Variants in USF2 observed in about 807,000 individuals in gnomAD.
USF2 encodes the protein upstream stimulatory factor 2.
A neutral mutation model predicts 46.9 loss-of-function variants in USF2; 16 were observed. The ratio of observed to expected loss-of-function variants is 0.34; its 90% CI spans 0.23 to 0.52. The LOEUF (loss-of-function observed/expected upper bound fraction) is 0.52, where lower values mean the gene tolerates loss of function less well. Among genes scored for constraint, USF2 ranks in the 20% least tolerant of loss-of-function variants. The pLI is 0.96. For missense variants in USF2, 411 were observed against 474.0 expected (o/e 0.87, Z 1.23); for synonymous variants, 239 against 194.1 (o/e 1.23, Z -1.92).
chr19:35,271,905 G>A (rs975315387), intron 7 of USF2, among the ~76,000 whole-genome samples: 6 of 152,192 alleles, frequency 3.9e-5, no homozygotes, highest in African/African-American at 1.4e-4. Flanking sequence ...TTGATGGGGG[G>A]TGGGCTGGGG....
Position 35,278,633 on chromosome 19 carries a change from T to C in USF2, c.728-65T>C, listed in dbSNP as rs2066266926. On this transcript the variant is annotated intron_variant, in intron 7 of 9. Transcript: ENST00000222305. ...GTGTCCTTGGGCTGAGCCTCTGCCCTGTGAGGACGGCCGCTCAGGCATGAT... is the reference window on the plus strand; with the variant it reads ...GTGTCCTTGGGCTGAGCCTCTGCCCCGTGAGGACGGCCGCTCAGGCATGAT... The C allele has an allele frequency of 5.8e-6, 9 of 1,547,896 alleles. No homozygotes were observed. In the East Asian group the frequency reaches 2.0e-4, roughly 35 times the overall value.
intron 7 of USF2, among the ~76,000 whole-genome samples, chr19:35,271,993 T>C (rs573187261): frequency 6.6e-6 from 1 of 152,128 alleles, no homozygotes; most frequent in South Asian, 2.1e-4. Flanking sequence ...AGAAGTTCCA[T>C]TTAGAATGCC....
rs1301661690 is a variant in USF2, at chr19:35,270,752, G to A, written c.615G>A (p.Val205=). ...QFYVMMTPQD[V]LQTGTQRTIA... ...ACGTCATGATGACGCCCCAGGATGTGCTTCAGACAGGAACACAGAGGACGA... is the reference window on the plus strand; with the variant it reads ...ACGTCATGATGACGCCCCAGGATGTACTTCAGACAGGAACACAGAGGACGA... The change falls in exon 6 of 10, where the codon GTG becomes GTA. Residue 205 remains valine, a synonymous_variant. Coordinates refer to ENST00000222305, the MANE Select transcript of USF2 (RefSeq NM_003367.4). 1 of 1,613,984 alleles carries A rather than the reference G, an allele frequency of 6.2e-7. No individual in the cohort carries two copies. The highest frequency in any genetic ancestry group is 8.5e-7 in the Non-Finnish European group (1 of 1,180,022).
chr19:35,276,620 C>A (rs1301604236), intron 7 of USF2, among the ~76,000 whole-genome samples: 6 of 152,162 alleles, frequency 3.9e-5, no homozygotes, highest in Admixed American at 3.9e-4. Flanking sequence ...TTTTCCCACC[C>A]CTGCATACCC....
chr19:35,279,267 C>A lies in USF2; in HGVS notation c.*11C>A, dbSNP rs774201706. ...GGCACCCGGCAGTGACGCCCGCCAC[C>A]ACCACGCAGCCGCCGCCGCCCACGC... On this transcript the variant is annotated 3_prime_UTR_variant, in exon 10 of 10. Transcript: ENST00000222305. 1 of 1,507,474 alleles carries A rather than the reference C, an allele frequency of 6.6e-7. No individual in the cohort carries two copies. The highest frequency in any genetic ancestry group is 8.9e-7 in the Non-Finnish European group (1 of 1,126,946). 93.4% of individuals were successfully genotyped at this position (1,507,474 alleles called of 1,614,324 possible). A position where few individuals can be genotyped will look rare whatever the true frequency, so the allele number is the denominator to read the frequency against.
In USF2 at chr19:35,270,496, C is replaced by A. The variant is rs755179671; in HGVS notation, c.479C>A (p.Ala160Asp). 1.9e-6 allele frequency: 3 copies of A among 1,614,128 alleles called. No homozygotes were observed. The highest frequency in any genetic ancestry group is 2.5e-6 in the Non-Finnish European group (3 of 1,180,012). ...AATGGTGGCAGTCCGGCGGCCGAGG[C>A]TGTCAGCGGGGAGGCACGATTTGCC... is the stretch of plus-strand genomic sequence containing the variant. ...FSNGGSPAAEAVSGEARFAYF... is the reference protein window; with the variant it reads ...FSNGGSPAAEDVSGEARFAYF... Residue 160 changes from alanine (A) to aspartate (D), a missense_variant, in exon 5 of 10, where the codon GCT becomes GAT. Physicochemically the swap from Ala to Asp is moderately radical, Grantham distance 126 (BLOSUM62 -2). Transcript: ENST00000222305.
At chr19:35,273,557 G>A (rs149707567) in intron 7 of USF2, among the ~76,000 whole-genome samples, 120 of 152,242 alleles carry the variant, frequency 7.9e-4, no homozygotes, top group Non-Finnish European at 1.3e-3. Context: ...CTTTGGCTGC[G>A]AGTGTTTCTT....
At chr19:35,271,787 G>A (rs2066160487) in intron 7 of USF2, among the ~76,000 whole-genome samples, 1 of 152,246 alleles carries the variant, frequency 6.6e-6, no homozygotes. Context: ...ACTGCCCGTG[G>A]GTTCTGGGCT....
chr19:35,276,774 C>T (rs2066239965), intron 7 of USF2, among the ~76,000 whole-genome samples: 1 of 152,198 alleles, frequency 6.6e-6, no homozygotes, highest in Non-Finnish European at 1.5e-5. Flanking sequence ...TGGCTCGGCG[C>T]CTGGCGTTCC....
chr19:35,279,329 G>A lies in USF2; in HGVS notation c.*73G>A, dbSNP rs2066279571. On this transcript the variant is annotated 3_prime_UTR_variant, in exon 10 of 10. Transcript: ENST00000222305. ...GCCCCCTTCCCCAGCCCTTAGCACA[G>A]AGAGGGACACATGCCCCTCCCCCAG... The A allele has an allele frequency of 1.4e-5, 20 of 1,386,184 alleles. No individual in the cohort carries two copies. In the South Asian group the frequency reaches 2.8e-4, roughly 20 times the overall value. 85.9% of individuals were successfully genotyped at this position (1,386,184 alleles called of 1,614,324 possible).
At chr19:35,276,588 T>C (rs2066236699) in intron 7 of USF2, among the ~76,000 whole-genome samples, 1 of 152,170 alleles carries the variant, frequency 6.6e-6, no homozygotes, top group South Asian at 2.1e-4. Context: ...ACACAAGGCC[T>C]TGACAACCGA....
At chr19:35,269,307 C>T in intron 1 of USF2, 139 bp from the exon 2 acceptor site, 1 of 885,976 alleles carries the variant, frequency 1.1e-6, no homozygotes, top group East Asian at 1.2e-4. Flanking sequence ...CCTGGCGCCT[C>T]CCGCCCCCGG....
At chr19:35,269,336 C>T in intron 1 of USF2, 110 bp from the exon 2 acceptor site, 1 of 961,748 alleles carries the variant, frequency 1.0e-6, no homozygotes, top group Non-Finnish European at 1.2e-6. Flanking sequence ...CTCGGCGGCG[C>T]CCCCGGCCTC....
Position 35,270,777 on chromosome 19 carries a change from A to C in USF2, c.640A>C (p.Ile214Leu). Residue 214 changes from isoleucine (I) to leucine (L), a missense_variant, in exon 6 of 10, where the codon ATC (isoleucine) becomes CTC (leucine). This residue lies in a region of USF2 where 318 missense variants were observed against 322.4 expected (regional missense o/e 0.99). Transcript: ENST00000222305. ...DVLQTGTQRTIAPRTHPYSPK... is the reference protein window; with the variant it reads ...DVLQTGTQRTLAPRTHPYSPK... ...GCTTCAGACAGGAACACAGAGGACG[A>C]TCGCCCCCCGGACACACCCTTACTC... 3.1e-6 allele frequency: 5 copies of C among 1,613,972 alleles called. No individual in the cohort carries two copies. The highest frequency in any genetic ancestry group is 3.4e-6 in the Non-Finnish European group (4 of 1,180,004).
rs2066272779 is a variant in USF2, at chr19:35,278,965, C to CA, written c.842_843insA (p.Lys282GlnfsTer43). ...CCCCAGAGTAAAGGAGGGATCCTGT[C>CA]CAAGGCCTGCGATTACATCCGGGAG... On this transcript the variant is annotated frameshift_variant, in exon 9 of 10. Coordinates refer to ENST00000222305, the MANE Select transcript of USF2 (RefSeq NM_003367.4). LOFTEE classifies it high-confidence loss of function. 1 of 1,554,084 alleles carries CA rather than the reference C, an allele frequency of 6.4e-7. No homozygotes were observed. The highest frequency in any genetic ancestry group is 1.4e-5 in the African/African-American group (1 of 73,152).
rs543449268 is a variant in USF2, at chr19:35,269,863, G to A, written c.289G>A (p.Gly97Ser). Residue 97 changes from glycine (G) to serine (S), a missense_variant, in exon 4 of 10, where the codon GGC (glycine) becomes AGC (serine). This residue lies in a region of USF2 where 318 missense variants were observed against 322.4 expected (regional missense o/e 0.99). Transcript: ENST00000222305. Reference protein sequence around the residue: ...GQLDGQGDTAGAVSVVSTAAF... With the variant: ...GQLDGQGDTASAVSVVSTAAF... The stretch of plus-strand genomic sequence containing the variant: ...GCTGGACGGCCAGGGCGACACAGCT[G>A]GCGCCGTCAGCGTCGTGTCCACCGC... 8.4e-6 allele frequency: 12 copies of A among 1,425,176 alleles called. No homozygotes were observed. The South Asian group carries it at 1.8e-4, about 22-fold the overall frequency. 88.3% of individuals were successfully genotyped at this position (1,425,176 alleles called of 1,614,324 possible).
Position 35,270,434 on chromosome 19 carries a change from T to G in USF2, c.430-13T>G. The G allele has an allele frequency of 2.5e-6, 4 of 1,609,420 alleles. No homozygotes were observed. The highest frequency in any genetic ancestry group is 3.4e-6 in the Non-Finnish European group (4 of 1,177,962). ...AGAAAGCTAAGGGTAGCCTCTGCCCTCCTACTCCCCAGGCTGTGATCCAAA... is the reference window on the plus strand; with the variant it reads ...AGAAAGCTAAGGGTAGCCTCTGCCCGCCTACTCCCCAGGCTGTGATCCAAA... On this transcript the variant is annotated splice_polypyrimidine_tract_variant and intron_variant, in intron 4 of 9. Coordinates refer to ENST00000222305, the MANE Select transcript of USF2 (RefSeq NM_003367.4).
chr19:35,269,316 G>GGCCCCCGGCCTCGGCGGC, intron 1 of USF2, 130 bp from the exon 2 acceptor site: 41 of 896,972 alleles, frequency 4.6e-5, no homozygotes, highest in Non-Finnish European at 5.4e-5. Context: ...TCCCGCCCCC[G>GGCCCCCGGCCTCGGCGGC]GCCCCCGGCC....
intron 4 of USF2, 186 bp downstream of exon 4, chr19:35,270,189 T>A: frequency 1.1e-6 from 1 of 927,200 alleles, no homozygotes; most frequent in Non-Finnish European, 1.5e-6. Flanking sequence ...CTTGGAATTT[T>A]TTTTTCCCGC....
Sources: gnomAD v4.1 joint callset for allele counts (sites outside exome capture counted in the v4.1 genomes callset) on GRCh38, gnomAD v4.1.1 for gene constraint, gnomAD v4.1.1 regional missense constraint, MANE v1.5 for transcripts, NCBI Gene and HGNC (gene_info 2026-07-23, HGNC 2026-07-21) for gene names.